The following ACCSL variants were observed in gnomAD, a reference collection of about 807,000 sequenced individuals.
ACCSL encodes 1-aminocyclopropane-1-carboxylate synthase homolog (inactive) like, also known as probable inactive 1-aminocyclopropane-1-carboxylate synthase-like protein 2.
ACCSL carries 55 observed loss-of-function variants against 61.7 expected under a neutral mutation model. The observed-to-expected ratio is 0.89, with a 90% CI of 0.72 to 1.12. The LOEUF is 1.12. Ranked by LOEUF, ACCSL falls within the 50% of genes most tolerant of loss-of-function variation. ACCSL has a pLI of 0.00. For missense variants in ACCSL, 632 were observed against 698.0 expected, an observed-to-expected ratio of 0.91 and a Z score of 1.07; for synonymous variants, 258 against 264.3, an observed-to-expected ratio of 0.98 and a Z score of 0.23.
chr11:44,056,596 G>C (rs1952673314), intron 11 of ACCSL, among the ~76,000 whole-genome samples: 1 of 152,212 alleles, frequency 6.6e-6, no homozygotes, highest in Non-Finnish European at 1.5e-5. Flanking sequence ...ACTTTGGGAG[G>C]CCGAGGTGGG....
chr11:44,026,917 C>G, the ACCSL span, among the ~76,000 whole-genome samples: 1 of 152,008 alleles, frequency 6.6e-6, no homozygotes, highest in Non-Finnish European at 1.5e-5. Context: ...TTAGTAGAGA[C>G]GGGTTTCTCC....
chr11:43,926,872 T>G, the ACCSL span, among the ~76,000 whole-genome samples: 2 of 152,076 alleles, frequency 1.3e-5, no homozygotes, highest in Admixed American at 1.3e-4. Flanking sequence ...AACCTCAGCC[T>G]CCTGAGTAGC....
the ACCSL span, among the ~76,000 whole-genome samples, chr11:43,983,743 G>T: frequency 6.6e-6 from 1 of 151,410 alleles, no homozygotes; most frequent in Non-Finnish European, 1.5e-5. Context: ...GGTGGGGGTG[G>T]GGTAGGGGGG....
the ACCSL span, among the ~76,000 whole-genome samples, chr11:43,981,887 T>C: frequency 6.6e-6 from 1 of 152,230 alleles, no homozygotes; most frequent in African/African-American, 2.4e-5. Context: ...ACTCCTTTTC[T>C]CTTTCCACCT....
At chr11:44,036,884 G>A in the ACCSL span, among the ~76,000 whole-genome samples, 2 of 152,150 alleles carry the variant, frequency 1.3e-5, no homozygotes, top group East Asian at 3.8e-4. Flanking sequence ...TTCCTTGATG[G>A]GTTGGGGACC....
chr11:43,991,019 C>T, the ACCSL span, among the ~76,000 whole-genome samples: 3 of 151,842 alleles, frequency 2.0e-5, no homozygotes, highest in South Asian at 6.3e-4. Context: ...TACAGTGAGC[C>T]CAGATCATGC....
Position 44,053,483 on chromosome 11 carries a change from G to C in ACCSL, c.1026G>C (p.Met342Ile). The C allele has an allele frequency of 6.2e-7, 1 of 1,614,150 alleles. No individual in the cohort carries two copies. The highest frequency in any genetic ancestry group is 8.5e-7 in the Non-Finnish European group (1 of 1,180,006). Residue 342 changes from methionine to isoleucine, a missense_variant, in exon 8 of 14, where the codon ATG becomes ATC. By Grantham distance (10) the Met-to-Ile change is conservative. Coordinates refer to ENST00000378832, the MANE Select transcript of ACCSL (RefSeq NM_001031854.2). ...LGDIYSPDSL[M>I]KYLEFAKRYN... ...ACATCTACTCCCCAGACTCACTGAT[G>C]AAATACCTGGAATTTGCCAAGAGGT... is the stretch of plus-strand genomic sequence containing the variant.
At chr11:44,027,201 C>G in the ACCSL span, among the ~76,000 whole-genome samples, 1 of 152,292 alleles carries the variant, frequency 6.6e-6, no homozygotes, top group African/African-American at 2.4e-5. Flanking sequence ...CTTTAATGCT[C>G]TGGCAGACAG....
chr11:44,021,976 G>T, the ACCSL span, among the ~76,000 whole-genome samples: 4 of 152,082 alleles, frequency 2.6e-5, no homozygotes, highest in Admixed American at 1.3e-4. Context: ...ATTGGTTTAT[G>T]TGCCTATTTT....
the ACCSL span, among the ~76,000 whole-genome samples, chr11:43,930,030 G>A: frequency 6.6e-5 from 10 of 152,180 alleles, no homozygotes; most frequent in East Asian, 1.9e-4. Context: ...AAGAGGAAAC[G>A]CAGAGAAAGC....
At chr11:43,978,284 A>T in the ACCSL span, among the ~76,000 whole-genome samples, 2 of 152,142 alleles carry the variant, frequency 1.3e-5, no homozygotes, top group Admixed American at 1.3e-4. Flanking sequence ...TGCTGGGATT[A>T]CAGGCATGAG....
chr11:43,941,489 G>A, the ACCSL span, among the ~76,000 whole-genome samples: 1 of 152,210 alleles, frequency 6.6e-6, no homozygotes, highest in East Asian at 1.9e-4. Flanking sequence ...AGCCCTGCTG[G>A]GTGCCTGTCA....
the ACCSL span, among the ~76,000 whole-genome samples, chr11:43,992,665 C>A: frequency 6.6e-6 from 1 of 152,278 alleles, no homozygotes; most frequent in East Asian, 1.9e-4. Context: ...GAGATTCATG[C>A]GCCACTGGAA....
At chr11:43,995,037 G>A in the ACCSL span, 2 of 152,398 alleles carry the variant, frequency 1.3e-5, no homozygotes, top group East Asian at 3.9e-4. Context: ...CCCAGATGGG[G>A]AGAGAGACTT....
the ACCSL span, among the ~76,000 whole-genome samples, chr11:44,000,863 A>T: frequency 3.0e-3 from 460 of 152,338 alleles, 2 homozygotes; most frequent in African/African-American, 0.011. Context: ...TTTGGTATCC[A>T]CAGGGGATCC....
At chr11:44,028,913 T>C in the ACCSL span, among the ~76,000 whole-genome samples, 1 of 152,242 alleles carries the variant, frequency 6.6e-6, no homozygotes, top group Non-Finnish European at 1.5e-5. Flanking sequence ...AAGTTTGGAA[T>C]GGATGTGTCC....
At chr11:44,002,701 T>A in the ACCSL span, among the ~76,000 whole-genome samples, 1 of 152,190 alleles carries the variant, frequency 6.6e-6, no homozygotes, top group Non-Finnish European at 1.5e-5. Context: ...TCTGTGGGTC[T>A]GAATGCTGTG....
chr11:44,055,697 G>A (rs538096430), intron 9 of ACCSL, among the ~76,000 whole-genome samples: 2 of 152,344 alleles, frequency 1.3e-5, no homozygotes, highest in South Asian at 4.1e-4. Context: ...CACCAAAGGT[G>A]GAGCAGTAGG....
the ACCSL span, chr11:43,943,757 C>T: frequency 7.7e-7 from 1 of 1,304,346 alleles, no homozygotes; most frequent in Non-Finnish European, 1.0e-6. The surrounding 1 kb of genome is among the most constrained non-coding windows in gnomAD (Gnocchi z 4.8). Flanking sequence ...GCTACTGCGT[C>T]TGGAGGATTG....
Sources: allele counts gnomAD v4.1 joint callset (sites outside exome capture counted in the v4.1 genomes callset), GRCh38; gene constraint gnomAD v4.1.1; non-coding constraint Gnocchi (gnomAD v3.1); transcripts MANE v1.5; gene names NCBI Gene and HGNC (gene_info 2026-07-23, HGNC 2026-07-21).